Variants in DIS3 observed in about 807,000 individuals in gnomAD.
DIS3 encodes the protein exosome complex exonuclease RRP44.
DIS3 carries 103 observed loss-of-function variants against 113.0 expected under a neutral mutation model. The observed-to-expected ratio is 0.91, with a 90% CI of 0.78 to 1.07. The LOEUF is 1.07. Among genes scored for constraint, DIS3 ranks in the 50% least tolerant of loss-of-function variants. The pLI, the probability that DIS3 is intolerant of heterozygous loss-of-function variation, is 0.00. For missense variants in DIS3, 1,121 were observed against 1,167.1 expected, an observed-to-expected ratio of 0.96 and a Z score of 0.58; for synonymous variants, 402 against 394.3, an observed-to-expected ratio of 1.02 and a Z score of -0.23.
Position 72,752,653 on chromosome 13 carries a change from G to A in DIS3, c.*7142C>T, listed in dbSNP as rs749322706. ...AGCTATTGAATGATAGCAGAACAAG[G>A]CTTTTCCCCAAAAATGTTACACATC... On this transcript the variant is annotated 3_prime_UTR_variant, in exon 21 of 21. Transcript: ENST00000377767. 3.3e-5 allele frequency: 5 copies of A among 152,116 alleles called. No homozygotes were observed. The highest frequency in any genetic ancestry group is 7.4e-5 in the Non-Finnish European group (5 of 68,024). 9.4% of individuals were successfully genotyped at this position (152,116 alleles called of 1,614,324 possible).
At chr13:72,775,183 CA>C (rs749797041) in intron 6 of DIS3, 27 bp downstream of exon 6, 1,077 of 1,559,020 alleles carry the variant, frequency 6.9e-4, no homozygotes, top group Non-Finnish European at 7.6e-4. Flanking sequence ...GCTACACAGA[CA>C]AAAAAAAATC....
chr13:72,765,008 AT>A (rs2033712447), intron 15 of DIS3, among the ~76,000 whole-genome samples: 1 of 152,184 alleles, frequency 6.6e-6, no homozygotes, highest in South Asian at 2.1e-4. Flanking sequence ...TAAGTAAAAA[AT>A]TTGAGTATAT....
intron 3 of DIS3, 106 bp from the exon 4 acceptor site, chr13:72,777,599 T>C (rs2034047931): frequency 1.1e-6 from 1 of 888,042 alleles, no homozygotes. Context: ...TTTCATTCAT[T>C]GAGACACACT....
intron 3 of DIS3, 52 bp downstream of exon 3, chr13:72,778,135 T>C (rs2034064995): frequency 5.5e-6 from 8 of 1,457,966 alleles, no homozygotes; most frequent in Non-Finnish European, 6.5e-6. Flanking sequence ...CTAATGATTA[T>C]TTTTACACGC....
chr13:72,780,868 T>C lies in DIS3; in HGVS notation c.364A>G (p.Thr122Ala), dbSNP rs1287103902. 6.2e-7 allele frequency: 1 copy of C among 1,610,544 alleles called. No individual in the cohort carries two copies. The highest frequency in any genetic ancestry group is 8.5e-7 in the Non-Finnish European group (1 of 1,179,074). Residue 122 changes from threonine to alanine, a missense_variant, in exon 2 of 21, where the codon ACT becomes GCT. Physicochemically the swap from Thr to Ala is moderately conservative, Grantham distance 58. Coordinates refer to ENST00000377767, the MANE Select transcript of DIS3 (RefSeq NM_014953.5). ...TACCTATGGTGCTCATTAGTGAAAG[T>C]ATAGAAATGCTTCTCTTGGTTATTA... ...VTNNQEKHFY[T>A]FTNEHHRETY...
rs946713402 is a variant in DIS3, at chr13:72,765,678, T to C, written c.1970+294A>G. Among the ~76,000 whole-genome samples, 3 of 152,174 alleles carry C rather than the reference T, an allele frequency of 2.0e-5. No homozygotes were observed. In the East Asian group the frequency reaches 5.8e-4, roughly 29 times the overall value. ...CAGTATATTCTACTTTAGAAATTAATTGGGGTAATTTTTTTTATCTTACTC... is the reference window on the plus strand; with the variant it reads ...CAGTATATTCTACTTTAGAAATTAACTGGGGTAATTTTTTTTATCTTACTC... On this transcript the variant is annotated intron_variant, in intron 15 of 20. Transcript: ENST00000377767.
rs1173814640 is a variant in DIS3, at chr13:72,781,894, A to G, written c.-62T>C. The G allele has an allele frequency of 8.5e-6, 12 of 1,406,732 alleles. No individual in the cohort carries two copies. Among genetic ancestry groups the G allele is most frequent in the Admixed American group, 7.7e-5 (3 of 38,996 alleles). The allele number at this position is 1,406,732 out of a possible 1,614,324, so 87.1% of individuals were successfully genotyped here. ...CTCTTCCAGCAAAAGGCGTCAATCT[A>G]GAATACGCCTAACCCCGGAGGTTCT... On this transcript the variant is annotated 5_prime_UTR_variant, in exon 1 of 21. Transcript: ENST00000377767.
intron 11 of DIS3, 131 bp downstream of exon 11, chr13:72,771,664 T>A: frequency 2.6e-6 from 2 of 777,224 alleles, no homozygotes; most frequent in East Asian, 5.4e-5. Flanking sequence ...AACCACTCGA[T>A]AACAAAAATT....
At chr13:72,760,305 AC>A (rs111681652) in intron 20 of DIS3, among the ~76,000 whole-genome samples, 9 of 152,286 alleles carry the variant, frequency 5.9e-5, no homozygotes, top group African/African-American at 1.9e-4. Flanking sequence ...AGAATGGAAG[AC>A]CTTTTTATTT....
rs778778752 is a variant in DIS3, at chr13:72,772,817, C to G, written c.1262G>C (p.Gly421Ala). ...TTCAGTCTCTTTCTCTCCAACATCACCTAAATTTCTCACAAAGTGTCCCTG... is the reference window on the plus strand; with the variant it reads ...TTCAGTCTCTTTCTCTCCAACATCAGCTAAATTTCTCACAAAGTGTCCCTG... ...YPNGHFVRNL[G>A]DVGEKETETE... Residue 421 changes from glycine (G) to alanine (A), a missense_variant, in exon 9 of 21, where the codon GGT (glycine) becomes GCT (alanine). Transcript: ENST00000377767. 3.8e-5 allele frequency: 61 copies of G among 1,603,916 alleles called. No homozygotes were observed. The highest frequency in any genetic ancestry group is 3.9e-5 in the Non-Finnish European group (46 of 1,176,958).
Position 72,755,773 on chromosome 13 carries a change from C to G in DIS3, c.*4022G>C. ...ATTCTTAGTTCCAGTGATAACTGTT[C>G]TAGTTACTACTTTTAAGTATGTAAA... On this transcript the variant is annotated 3_prime_UTR_variant, in exon 21 of 21. Transcript: ENST00000377767. 2.5e-6 allele frequency: 1 copy of G among 397,800 alleles called. No individual in the cohort carries two copies. The highest frequency in any genetic ancestry group is 4.4e-6 in the Non-Finnish European group (1 of 225,948). The allele number at this position is 397,800 out of a possible 1,614,324, so 24.6% of individuals were successfully genotyped here. A position where few individuals can be genotyped will look rare whatever the true frequency, so the allele number is the denominator to read the frequency against.
At position 72,781,005 on chromosome 13, in the gene DIS3, T is replaced by C. The variant is rs748100771; in HGVS notation, c.229-2A>G. ...GGCAGGGTCCTCAAGAACATCAATC[T>C]TAAAGAAAGATAAAGTTAATTTTTC... On this transcript the variant is annotated splice_acceptor_variant, in intron 1 of 20. Coordinates refer to ENST00000377767, the MANE Select transcript of DIS3 (RefSeq NM_014953.5). LOFTEE classifies it high-confidence loss of function. The C allele has an allele frequency of 1.3e-6, 2 of 1,591,850 alleles. No homozygotes were observed. Among genetic ancestry groups the C allele is most frequent in the Non-Finnish European group, 1.7e-6 (2 of 1,173,172 alleles).
chr13:72,778,249 A>G lies in DIS3; in HGVS notation c.518T>C (p.Phe173Ser), dbSNP rs1045293317. The change falls in exon 3 of 21, where the codon TTC becomes TCC. Residue 173 changes from phenylalanine to serine, a missense_variant. Transcript: ENST00000377767. ...MSADNQLQVI[F>S]ITNDRRNKEK... ...TTTGTTTCTCCTGTCATTTGTTATG[A>G]AGATAACTTGCAGCTGGTTGTCTGC... is the stretch of plus-strand genomic sequence containing the variant. 6.2e-7 allele frequency: 1 copy of G among 1,608,960 alleles called. No individual in the cohort carries two copies. The highest frequency in any genetic ancestry group is 1.3e-5 in the African/African-American group (1 of 74,864).
intron 13 of DIS3, among the ~76,000 whole-genome samples, chr13:72,770,197 A>T (rs1389209060): frequency 6.7e-6 from 1 of 148,932 alleles, no homozygotes; most frequent in Admixed American, 6.7e-5. Context: ...TTTCAAGTAT[A>T]TATTCTTTGT....
rs1593824822 is a variant in DIS3, at chr13:72,754,068, T to G, written c.*5727A>C. On this transcript the variant is annotated 3_prime_UTR_variant, in exon 21 of 21. Coordinates refer to ENST00000377767, the MANE Select transcript of DIS3 (RefSeq NM_014953.5). ...GAGGGCATTTACTGAACCTTCCAGG[T>G]GGTGGTTATATATTCATACTTGAAG... is the stretch of plus-strand genomic sequence containing the variant. 3 of 353,418 alleles carry G rather than the reference T, an allele frequency of 8.5e-6. No individual in the cohort carries two copies. In the East Asian group the frequency reaches 1.6e-4, roughly 19 times the overall value. The allele number at this position is 353,418 out of a possible 1,614,324, so 21.9% of individuals were successfully genotyped here. A position where few individuals can be genotyped will look rare whatever the true frequency, so the allele number is the denominator to read the frequency against.
chr13:72,779,336 TG>T (rs1274510382), intron 2 of DIS3, among the ~76,000 whole-genome samples: 3 of 152,140 alleles, frequency 2.0e-5, no homozygotes, highest in Non-Finnish European at 2.9e-5. Flanking sequence ...TAAGCTGGTC[TG>T]GAACTCCTGG....
In DIS3 at chr13:72,754,102, C is replaced by A. The variant is rs2033365401; in HGVS notation, c.*5693G>T. 2 of 260,898 alleles carry A rather than the reference C, an allele frequency of 7.7e-6. No homozygotes were observed. The highest frequency in any genetic ancestry group is 1.0e-4 in the Admixed American group (2 of 19,880). 16.2% of individuals were successfully genotyped at this position (260,898 alleles called of 1,614,324 possible). On this transcript the variant is annotated 3_prime_UTR_variant, in exon 21 of 21. Transcript: ENST00000377767. ...TATATTCATACTTGAAGAAACTCATCATAATTTCAGGCACTAGTCAGGACA... is the reference window on the plus strand; with the variant it reads ...TATATTCATACTTGAAGAAACTCATAATAATTTCAGGCACTAGTCAGGACA...
intron 14 of DIS3, among the ~76,000 whole-genome samples, chr13:72,767,879 T>C (rs1359796091): frequency 6.6e-6 from 1 of 152,208 alleles, no homozygotes; most frequent in Non-Finnish European, 1.5e-5. Context: ...GGAAGGTTCA[T>C]GTACTTGGTT....
chr13:72,767,275 AT>A (rs2033772631), intron 14 of DIS3, among the ~76,000 whole-genome samples: 1 of 152,210 alleles, frequency 6.6e-6, no homozygotes, highest in Non-Finnish European at 1.5e-5. Context: ...AAATTAAAAA[AT>A]ATCCTCAGTT....
Sources: gnomAD v4.1 joint callset for allele counts (sites outside exome capture counted in the v4.1 genomes callset) on GRCh38, gnomAD v4.1.1 for gene constraint, MANE v1.5 for transcripts, NCBI Gene and HGNC (gene_info 2026-07-23, HGNC 2026-07-21) for gene names.